The following CTDP1 variants were observed in gnomAD, a reference collection of about 807,000 sequenced individuals.
CTDP1 encodes RNA polymerase II subunit A C-terminal domain phosphatase.
In CTDP1, 47 loss-of-function variants were observed where a neutral mutation model predicts 91.8. That is an observed-to-expected ratio of 0.51 (90% CI 0.41 to 0.65). The LOEUF (loss-of-function observed/expected upper bound fraction) is 0.65. Ranked by LOEUF, CTDP1 falls within the 30% of genes least tolerant of loss-of-function variation. The pLI is 0.00. For synonymous variants in CTDP1, 656 were observed against 598.5 expected (o/e 1.10, Z -1.40); for missense variants, 1,272 against 1,373.7 (o/e 0.93, Z 1.17).
intron 1 of CTDP1, among the ~76,000 whole-genome samples, chr18:79,691,004 G>A (rs1286186395): frequency 1.6e-4 from 24 of 152,192 alleles, no homozygotes; most frequent in Admixed American, 1.6e-3. Context: ...TCAGGAGCCG[G>A]CCTTGTCTCT....
intron 5 of CTDP1, among the ~76,000 whole-genome samples, chr18:79,710,093 T>C (rs776889856): frequency 3.9e-5 from 6 of 152,242 alleles, no homozygotes; most frequent in Non-Finnish European, 7.3e-5. Flanking sequence ...TTCAGTAAGA[T>C]ATTACAAATT....
Position 79,728,984 on chromosome 18 carries a change from C to G in CTDP1, c.2495C>G (p.Ser832Cys). The change falls in exon 11 of 13, where the codon TCT becomes TGT. Residue 832 changes from serine (S) to cysteine (C), a missense_variant. Ser to Cys is a moderately radical substitution (Grantham distance 112). This residue lies in a region of CTDP1 where 881 missense variants were observed against 911.6 expected (regional missense o/e 0.97). Transcript: ENST00000613122. ...CAGGACGGAGAGCAGCCTGGCCCTT[C>G]TAGAAGAAAGCGACAGCCCAGTATG... ...DAQDGEQPGPSRRKRQPSMSE... is the reference protein window; with the variant it reads ...DAQDGEQPGPCRRKRQPSMSE... 6.2e-7 allele frequency: 1 copy of G among 1,614,196 alleles called. No homozygotes were observed. Among genetic ancestry groups the G allele is most frequent in the South Asian group, 1.1e-5 (1 of 91,090 alleles).
chr18:79,736,369 T>C lies in CTDP1; in HGVS notation c.2595T>C (p.Leu865=), dbSNP rs1211767070. The change falls in exon 12 of 13, where the codon CTT becomes CTC. Residue 865 remains leucine (L), a synonymous_variant. Transcript: ENST00000613122. ...ESMDKEVDDI[L]GEGSDDSDSE... ...CTGTTTGTCAGGTGGACGACATCCTTGGAGAAGGCAGCGACGACAGCGACA... is the reference window on the plus strand; with the variant it reads ...CTGTTTGTCAGGTGGACGACATCCTCGGAGAAGGCAGCGACGACAGCGACA... The C allele has an allele frequency of 7.1e-6, 11 of 1,549,134 alleles. No individual in the cohort carries two copies. Among genetic ancestry groups the C allele is most frequent in the Non-Finnish European group, 9.6e-6 (11 of 1,146,954 alleles).
At chr18:79,722,349 T>C (rs754889282) in intron 10 of CTDP1, among the ~76,000 whole-genome samples, 3 of 152,252 alleles carry the variant, frequency 2.0e-5, no homozygotes, top group Non-Finnish European at 4.4e-5. Flanking sequence ...AACAACTGTT[T>C]AGCTGTGCCT....
In CTDP1 at chr18:79,680,274, AG is replaced by A; in HGVS notation, c.314+14del. ...TGGTCGCCCCAGGGTGAGTGTGCTG[AG>A]CCGGGCGGGGCCGAGGGCGGGCGGC... On this transcript the variant is annotated intron_variant, in intron 1 of 12. Transcript: ENST00000613122. 7.9e-7 allele frequency: 1 copy of A among 1,260,464 alleles called. No individual in the cohort carries two copies. The highest frequency in any genetic ancestry group is 9.9e-7 in the Non-Finnish European group (1 of 1,005,066). The allele number at this position is 1,260,464 out of a possible 1,614,324, so 78.1% of individuals were successfully genotyped here. A position where few individuals can be genotyped will look rare whatever the true frequency, so the allele number is the denominator to read the frequency against.
chr18:79,714,547 G>A lies in CTDP1; in HGVS notation c.1087G>A (p.Glu363Lys). 1 of 1,613,156 alleles carries A rather than the reference G, an allele frequency of 6.2e-7. No individual in the cohort carries two copies. The highest frequency in any genetic ancestry group is 8.5e-7 in the Non-Finnish European group (1 of 1,180,040). Residue 363 changes from glutamate (E) to lysine (K), a missense_variant, in exon 8 of 13, where the codon GAG becomes AAG. By Grantham distance (56) the Glu-to-Lys change is moderately conservative. Transcript: ENST00000613122. ...GCCATCTCCGCCCGTGAGAGACCCT[G>A]AGGGGGTAACGCAGGCCCCTGGAGT... ...SEPSPPVRDP[E>K]GVTQAPGVEP...
At chr18:79,681,421 G>A (rs1486759537) in intron 1 of CTDP1, 3 of 978,638 alleles carry the variant, frequency 3.1e-6, no homozygotes, top group Non-Finnish European at 3.6e-6. Context: ...CAATGCTGGT[G>A]TATTCCCTGG....
Position 79,715,375 on chromosome 18 carries a change from A to G in CTDP1, c.1915A>G (p.Ile639Val), listed in dbSNP as rs79944224. 2.9e-5 allele frequency: 47 copies of G among 1,608,118 alleles called. No individual in the cohort carries two copies. Among genetic ancestry groups the G allele is most frequent in the East Asian group, 1.6e-4 (7 of 44,630 alleles). The stretch of plus-strand genomic sequence containing the variant: ...GAGCAAGGTGCTGGCAGACGTGGCC[A>G]TAATTTTCAGTGGGCTACACCCGAC... Reference protein sequence around the residue: ...LKSKVLADVAIIFSGLHPTNF... With the variant: ...LKSKVLADVAVIFSGLHPTNF... Residue 639 changes from isoleucine to valine, a missense_variant, in exon 8 of 13, where the codon ATA (isoleucine) becomes GTA (valine). This residue lies in a region of CTDP1 where 881 missense variants were observed against 911.6 expected (regional missense o/e 0.97). Coordinates refer to ENST00000613122, the MANE Select transcript of CTDP1 (RefSeq NM_004715.5).
chr18:79,682,825 G>A (rs765656163), intron 1 of CTDP1, among the ~76,000 whole-genome samples: 5 of 152,150 alleles, frequency 3.3e-5, no homozygotes, highest in Admixed American at 3.3e-4. Context: ...AGATTGTGCC[G>A]CTTTGTGATG....
Position 79,753,040 on chromosome 18 carries a change from G to C in CTDP1, c.2748-612G>C, listed in dbSNP as rs111238331. ...CTCCTAAGGAAAGCCTAGTGGCACC[G>C]GCTGGTTATGCAGAGGCTCCTAAGG... On this transcript the variant is annotated intron_variant, in intron 12 of 12. Coordinates refer to ENST00000613122, the MANE Select transcript of CTDP1 (RefSeq NM_004715.5). Among the ~76,000 whole-genome samples the C allele has an allele frequency of 4.4e-4, 55 of 124,334 alleles. 1 individual carries two copies. Among genetic ancestry groups the C allele is most frequent in the Non-Finnish European group, 8.3e-5 (5 of 60,582 alleles). 81.6% of individuals were successfully genotyped at this position (124,334 alleles called of 152,430 possible).
chr18:79,703,946 G>A lies in CTDP1; in HGVS notation c.622-821G>A, dbSNP rs548020476. ...CGGGGGTGGTTATCCTAGGCGGGTC[G>A]TTGCAGGCAGGTAGCTATTGTGAGT... is the stretch of plus-strand genomic sequence containing the variant. On this transcript the variant is annotated intron_variant, in intron 4 of 12. Coordinates refer to ENST00000613122, the MANE Select transcript of CTDP1 (RefSeq NM_004715.5). Among the ~76,000 whole-genome samples, 7 of 152,200 alleles carry A rather than the reference G, an allele frequency of 4.6e-5. No individual in the cohort carries two copies. In the East Asian group the frequency reaches 5.8e-4, roughly 13 times the overall value.
chr18:79,750,152 G>GTTCC (rs1482264209), intron 12 of CTDP1, among the ~76,000 whole-genome samples: 1 of 152,200 alleles, frequency 6.6e-6, no homozygotes, highest in East Asian at 1.9e-4. Context: ...GGTGTGCAGA[G>GTTCC]GGGAAGCAGG....
rs770697149 is a variant in CTDP1 at position 79,713,039 on chromosome 18, G to A, written c.931G>A (p.Ala311Thr). 6.2e-7 allele frequency: 1 copy of A among 1,614,120 alleles called. No individual in the cohort carries two copies. The highest frequency in any genetic ancestry group is 1.7e-5 in the Admixed American group (1 of 60,024). Residue 311 changes from alanine to threonine, a missense_variant, in exon 7 of 13, where the codon GCC (alanine) becomes ACC (threonine). Physicochemically the swap from Ala to Thr is moderately conservative, Grantham distance 58. Transcript: ENST00000613122. The surrounding 1 kb of genome is among the most constrained non-coding windows in gnomAD (Gnocchi z 4.7). The part of the protein sequence containing the change: ...IDDREDVWKF[A>T]PNLITVKKYV... ...TGATCGAGAAGATGTCTGGAAGTTT[G>A]CCCCCAATCTGATAACTGTGAAGAA...
At chr18:79,693,666 G>A (rs79558088) in intron 1 of CTDP1, among the ~76,000 whole-genome samples, 5,937 of 152,190 alleles carry the variant, frequency 0.039, 193 homozygotes, top group South Asian at 0.16. Context: ...GATAGTCACC[G>A]GCAGCCCACT....
At chr18:79,727,371 C>T (rs546687063) in intron 10 of CTDP1, among the ~76,000 whole-genome samples, 3 of 151,922 alleles carry the variant, frequency 2.0e-5, no homozygotes, top group South Asian at 2.1e-4. Flanking sequence ...GTGGCGTTCA[C>T]GGGATGGAAA....
At chr18:79,723,999 T>G (rs966119854) in intron 10 of CTDP1, among the ~76,000 whole-genome samples, 4 of 152,242 alleles carry the variant, frequency 2.6e-5, no homozygotes, top group Non-Finnish European at 4.4e-5. Context: ...GTTCACCCTT[T>G]GAGGGATATT....
At chr18:79,748,993 C>T (rs575740079) in intron 12 of CTDP1, among the ~76,000 whole-genome samples, 98 of 152,354 alleles carry the variant, frequency 6.4e-4, no homozygotes, top group African/African-American at 2.3e-3. Context: ...TCCGTGGGCT[C>T]GGTTCAGGTC....
chr18:79,720,438 G>C (rs1029430943), intron 10 of CTDP1, among the ~76,000 whole-genome samples: 1 of 150,802 alleles, frequency 6.6e-6, no homozygotes, highest in African/African-American at 2.4e-5. Flanking sequence ...ACCTCCCATC[G>C]TGTCCTGGTG....
intron 12 of CTDP1, among the ~76,000 whole-genome samples, chr18:79,742,961 G>A (rs556080201): frequency 5.3e-5 from 8 of 152,140 alleles, no homozygotes; most frequent in Non-Finnish European, 7.3e-5. Flanking sequence ...GTCACAAAAC[G>A]AAATAAAACA....
Sources: allele counts gnomAD v4.1 joint callset (sites outside exome capture counted in the v4.1 genomes callset), GRCh38; gene constraint gnomAD v4.1.1; regional missense constraint gnomAD v4.1.1; non-coding constraint Gnocchi (gnomAD v3.1); transcripts MANE v1.5; gene names NCBI Gene and HGNC (gene_info 2026-07-23, HGNC 2026-07-21).